APBB2: variants seen among roughly 807,000 people sequenced by gnomAD.
APBB2 encodes Fe65-like 1.
In APBB2, 38 loss-of-function variants were observed where a neutral mutation model predicts 82.5. That is an observed-to-expected ratio of 0.46 (90% CI 0.36 to 0.60). The LOEUF is 0.60. Ranked by LOEUF, APBB2 falls within the 20% of genes least tolerant of loss-of-function variation. The pLI is 0.00. For missense variants in APBB2, 772 were observed against 972.3 expected, an observed-to-expected ratio of 0.79 and a Z score of 2.74; for synonymous variants, 341 against 368.2, an observed-to-expected ratio of 0.93 and a Z score of 0.85.
intron 10 of APBB2, among the ~76,000 whole-genome samples, chr4:40,932,843 T>C (rs1354434892): frequency 2.0e-5 from 3 of 152,128 alleles, no homozygotes; most frequent in Non-Finnish European, 2.9e-5. Context: ...CCGTATGCTT[T>C]CTCTTGGCTT....
chr4:40,894,247 C>T lies in APBB2; in HGVS notation c.1255-836G>A, dbSNP rs535390599. On this transcript the variant is annotated intron_variant, in intron 10 of 17. Transcript: ENST00000508593. ...AGCTTGCAGTGAGCCGAGATCGCGC[C>T]ACTGCACTCCAGCCTGGGTGACACA... 9.9e-5 allele frequency among the ~76,000 whole-genome samples: 15 copies of T among 151,508 alleles called. 1 individual carries two copies. The highest frequency in any genetic ancestry group is 3.4e-4 in the African/African-American group (14 of 41,178).
intron 6 of APBB2, among the ~76,000 whole-genome samples, chr4:41,002,637 C>A (rs1420778599): frequency 2.6e-5 from 4 of 152,210 alleles, no homozygotes; most frequent in Non-Finnish European, 5.9e-5. Flanking sequence ...GTCTCTTTGG[C>A]ATTTGAGCTC....
At chr4:41,027,801 G>A (rs1447413479) in intron 5 of APBB2, among the ~76,000 whole-genome samples, 2 of 152,196 alleles carry the variant, frequency 1.3e-5, no homozygotes, top group African/African-American at 4.8e-5. Context: ...GTAACAATGA[G>A]GGTTAGTCTT....
intron 5 of APBB2, among the ~76,000 whole-genome samples, chr4:41,027,364 CATATATATATATATATATAT>C (rs36224955): frequency 0.051 from 6,462 of 127,426 alleles, 522 homozygotes; most frequent in African/African-American, 0.16. Flanking sequence ...CATATTGTTA[CATATATATATATATATATAT>C]ATATATATAT....
At chr4:41,030,347 G>T (rs1716258859) in intron 5 of APBB2, among the ~76,000 whole-genome samples, 1 of 152,194 alleles carries the variant, frequency 6.6e-6, no homozygotes, top group Non-Finnish European at 1.5e-5. Flanking sequence ...GACCTTTGGA[G>T]TAGTCAACTT....
intron 10 of APBB2, among the ~76,000 whole-genome samples, chr4:40,931,753 C>G (rs761402528): frequency 4.6e-5 from 7 of 151,982 alleles, no homozygotes; most frequent in Middle Eastern, 3.2e-3. Context: ...CTATATTATT[C>G]CAGCCCAGAC....
chr4:41,192,453 C>T (rs1774722579), intron 1 of APBB2, among the ~76,000 whole-genome samples: 1 of 152,160 alleles, frequency 6.6e-6, no homozygotes, highest in Admixed American at 6.5e-5. Flanking sequence ...GAATATTATT[C>T]TGCCTTAAAA....
chr4:40,960,259 G>A (rs549479081), intron 6 of APBB2, among the ~76,000 whole-genome samples: 3 of 152,100 alleles, frequency 2.0e-5, no homozygotes, highest in Admixed American at 6.5e-5. Context: ...TCAGTAATAA[G>A]AGGAGTACCT....
At chr4:40,831,975 T>C (rs1382427705) in intron 12 of APBB2, among the ~76,000 whole-genome samples, 1 of 150,784 alleles carries the variant, frequency 6.6e-6, no homozygotes, top group East Asian at 1.9e-4. Context: ...AAGATGAAAG[T>C]GTTTTTACAC....
intron 3 of APBB2, among the ~76,000 whole-genome samples, chr4:41,067,566 A>G (rs1468635606): frequency 1.3e-5 from 2 of 152,298 alleles, no homozygotes; most frequent in African/African-American, 2.4e-5. Context: ...TGTGTCAGTG[A>G]GTGACGTCAC....
chr4:41,196,955 G>GT, intron 1 of APBB2, among the ~76,000 whole-genome samples: 29,468 of 151,820 alleles, frequency 0.19, 3,804 homozygotes, highest in African/African-American at 0.36. Context: ...TCCAGCACTA[G>GT]TTTTTTTAAA....
intron 1 of APBB2, among the ~76,000 whole-genome samples, chr4:41,187,806 T>C (rs1773291909): frequency 6.6e-6 from 1 of 152,248 alleles, no homozygotes; most frequent in Non-Finnish European, 1.5e-5. Flanking sequence ...ACATGAGTTA[T>C]CCATTTGTAC....
At chr4:40,916,881 C>G (rs1256698655) in intron 10 of APBB2, among the ~76,000 whole-genome samples, 2 of 152,160 alleles carry the variant, frequency 1.3e-5, no homozygotes, top group African/African-American at 4.8e-5. Flanking sequence ...AACGGGAGAC[C>G]TGAGTGTGGA....
intron 6 of APBB2, among the ~76,000 whole-genome samples, chr4:41,008,551 G>T (rs10517553): frequency 0.046 from 6,994 of 152,176 alleles, 341 homozygotes; most frequent in African/African-American, 0.13. Context: ...CCAGAAAGTC[G>T]TAACTCAGAG....
At chr4:40,930,886 T>C (rs1455897430) in intron 10 of APBB2, among the ~76,000 whole-genome samples, 3 of 152,142 alleles carry the variant, frequency 2.0e-5, no homozygotes, top group African/African-American at 4.8e-5. Context: ...TACCTGGGAC[T>C]ACAGGCGCCC....
At chr4:40,840,195 G>A (rs1577863498) in intron 12 of APBB2, among the ~76,000 whole-genome samples, 1 of 152,146 alleles carries the variant, frequency 6.6e-6, no homozygotes, top group African/African-American at 2.4e-5. Context: ...TTTCACCTGT[G>A]CAGGGCCTAG....
chr4:41,071,561 A>G (rs1169510203), intron 3 of APBB2, among the ~76,000 whole-genome samples: 2 of 152,004 alleles, frequency 1.3e-5, no homozygotes, highest in African/African-American at 4.8e-5. Context: ...GGCACCTGTA[A>G]TCTCTTCCAC....
At chr4:40,869,553 A>G (rs1189519245) in intron 12 of APBB2, among the ~76,000 whole-genome samples, 1 of 151,998 alleles carries the variant, frequency 6.6e-6, no homozygotes, top group Non-Finnish European at 1.5e-5. Context: ...CTGCCACTGT[A>G]CTCCAGCCTG....
At chr4:41,068,034 G>A (rs1176332512) in intron 3 of APBB2, among the ~76,000 whole-genome samples, 1 of 152,162 alleles carries the variant, frequency 6.6e-6, no homozygotes, top group Non-Finnish European at 1.5e-5. Flanking sequence ...GACTGACCTC[G>A]AAGAAGAGGG....
Sources: allele counts gnomAD v4.1 joint callset (sites outside exome capture counted in the v4.1 genomes callset), GRCh38; gene constraint gnomAD v4.1.1; transcripts MANE v1.5; gene names NCBI Gene and HGNC (gene_info 2026-07-23, HGNC 2026-07-21).